Variants in CRISP1 observed in about 807,000 individuals in gnomAD.
CRISP1 encodes the protein cysteine rich secretory protein 1.
Under a neutral mutation model 33.1 loss-of-function variants are expected in CRISP1, and 44 were observed. That is an observed-to-expected ratio of 1.33 (90% CI 1.05 to 1.71). CRISP1 has a LOEUF of 1.71. Among genes scored for constraint, CRISP1 ranks in the 40% most tolerant of loss-of-function variants. The probability of loss-of-function intolerance (pLI) is 0.00; values close to 1 mark genes in which losing one functional copy is unlikely to be tolerated. For synonymous variants in CRISP1, 103 were observed against 98.7 expected (o/e 1.04, Z -0.26); for missense variants, 390 against 301.2 (o/e 1.29, Z -2.18).
chr6:49,855,717 A>G (rs1383378157), intron 2 of CRISP1, among the ~76,000 whole-genome samples: 1 of 152,206 alleles, frequency 6.6e-6, no homozygotes, highest in Admixed American at 6.5e-5. Context: ...ATAAAAAGTA[A>G]AAACAATTTT....
intron 7 of CRISP1, 81 bp from the exon 8 acceptor site, chr6:49,835,524 C>A: frequency 2.2e-6 from 3 of 1,383,080 alleles, no homozygotes; most frequent in Admixed American, 2.4e-5. Flanking sequence ...TTATTAAAGA[C>A]AAAAAGAGAA....
intron 4 of CRISP1, among the ~76,000 whole-genome samples, chr6:49,847,608 C>A (rs1254595990): frequency 6.6e-6 from 1 of 152,126 alleles, no homozygotes; most frequent in Non-Finnish European, 1.5e-5. Flanking sequence ...GAGTCATAAG[C>A]TAATGAAATC....
At chr6:49,863,267 C>T (rs1026208704) in intron 1 of CRISP1, among the ~76,000 whole-genome samples, 1 of 152,130 alleles carries the variant, frequency 6.6e-6, no homozygotes, top group African/African-American at 2.4e-5. Flanking sequence ...CTAGTCCAAC[C>T]TCTGGGACTT....
intron 4 of CRISP1, 47 bp downstream of exon 4, chr6:49,848,162 T>G (rs75730755): frequency 6.9e-5 from 47 of 677,666 alleles, no homozygotes; most frequent in Non-Finnish European, 8.4e-5. Flanking sequence ...GTTTTACTAT[T>G]TTTTTTTTTT....
chr6:49,861,201 C>CAAAAA (rs1400352505), intron 1 of CRISP1, among the ~76,000 whole-genome samples: 1 of 151,922 alleles, frequency 6.6e-6, no homozygotes, highest in Non-Finnish European at 1.5e-5. Context: ...CAAACAATTC[C>CAAAAA]AAAAAAATTC....
chr6:49,842,383 AG>A (rs1314302605), intron 5 of CRISP1, among the ~76,000 whole-genome samples: 1 of 152,198 alleles, frequency 6.6e-6, no homozygotes, highest in Non-Finnish European at 1.5e-5. Context: ...ATTGGTAATA[AG>A]ATTATTGAAC....
chr6:49,875,030 A>T (rs564773713), intron 1 of CRISP1, among the ~76,000 whole-genome samples: 1 of 152,170 alleles, frequency 6.6e-6, no homozygotes, highest in African/African-American at 2.4e-5. Flanking sequence ...CAATACTCCT[A>T]TTCAACATAT....
chr6:49,865,610 G>A (rs1019194248), intron 1 of CRISP1, among the ~76,000 whole-genome samples: 2 of 152,102 alleles, frequency 1.3e-5, no homozygotes, highest in African/African-American at 4.8e-5. Context: ...TATTACTAAA[G>A]GTAAGATTTC....
upstream of CRISP1, among the ~76,000 whole-genome samples, chr6:49,868,093 C>A (rs551213842): frequency 6.6e-6 from 1 of 152,098 alleles, no homozygotes; most frequent in African/African-American, 2.4e-5. Flanking sequence ...CATTGCTCTA[C>A]CCAACACAAT....
Position 49,834,377 on chromosome 6 carries a change from C to G in CRISP1, c.*939G>C, listed in dbSNP as rs1770711620. The stretch of plus-strand genomic sequence containing the variant: ...CAAGTATTTTTAGCCTTCCCTTTCC[C>G]CATGTCAGGCCCTTCAATATTCCCT... On this transcript the variant is annotated 3_prime_UTR_variant, in exon 8 of 8. Coordinates refer to ENST00000335847, the MANE Select transcript of CRISP1 (RefSeq NM_001131.3). The G allele has an allele frequency of 6.6e-6, 1 of 152,010 alleles. No homozygotes were observed. Among genetic ancestry groups the G allele is most frequent in the African/African-American group, 2.4e-5 (1 of 41,386 alleles). The allele number at this position is 152,010 out of a possible 1,614,324, so 9.4% of individuals were successfully genotyped here.
rs267601065 is a variant in CRISP1, at chr6:49,840,928, C to G, written c.503G>C (p.Arg168Pro). 8 of 1,613,564 alleles carry G rather than the reference C, an allele frequency of 5.0e-6. 1 individual carries two copies. The South Asian group carries it at 6.6e-5, about 13-fold the overall frequency. The change falls in exon 6 of 8, where the codon CGA becomes CCA. Residue 168 changes from arginine (R) to proline (P), a missense_variant. Arg to Pro is a moderately radical substitution (Grantham distance 103). Coordinates refer to ENST00000335847, the MANE Select transcript of CRISP1 (RefSeq NM_001131.3). ...IASCRQQGSP[R>P]YLYVCHYCHE... is the part of the protein sequence containing the mutation. ...ACAATAGTGACAAACGTAGAGATATCGAGGTGATCCTTGTTGGCGGCAAGA... is the reference window on the plus strand; with the variant it reads ...ACAATAGTGACAAACGTAGAGATATGGAGGTGATCCTTGTTGGCGGCAAGA...
Position 49,846,685 on chromosome 6 carries a change from G to A in CRISP1, c.287-17C>T, listed in dbSNP as rs746598246. 10 of 1,611,326 alleles carry A rather than the reference G, an allele frequency of 6.2e-6. No homozygotes were observed. The African/African-American group carries it at 1.1e-4, about 17-fold the overall frequency. ...AAAAGGTATCTGAAATGAGAAAACG[G>A]GCTGGGTCATACTCTGAACAAATGG... On this transcript the variant is annotated splice_polypyrimidine_tract_variant and intron_variant, in intron 4 of 7. Coordinates refer to ENST00000335847, the MANE Select transcript of CRISP1 (RefSeq NM_001131.3).
chr6:49,874,210 A>G (rs1458660274), intron 1 of CRISP1, among the ~76,000 whole-genome samples: 1 of 152,124 alleles, frequency 6.6e-6, no homozygotes, highest in Non-Finnish European at 1.5e-5. Flanking sequence ...ATCTTCCTTC[A>G]GTAGCTATTG....
At chr6:49,872,717 G>A (rs1005195778) in intron 1 of CRISP1, among the ~76,000 whole-genome samples, 9 of 152,098 alleles carry the variant, frequency 5.9e-5, no homozygotes, top group African/African-American at 2.2e-4. Flanking sequence ...TTGTAGATAT[G>A]CGGCATTATT....
intron 3 of CRISP1, among the ~76,000 whole-genome samples, chr6:49,851,524 T>A (rs1771343467): frequency 1.3e-5 from 2 of 152,212 alleles, no homozygotes; most frequent in Admixed American, 1.3e-4. Context: ...TATCTGGATA[T>A]TTTAATTCTA....
chr6:49,872,526 G>T (rs1345248054), intron 1 of CRISP1, among the ~76,000 whole-genome samples: 2 of 152,038 alleles, frequency 1.3e-5, no homozygotes, highest in Non-Finnish European at 2.9e-5. Context: ...GGGTTTTTAT[G>T]GTTTTAGGTC....
chr6:49,866,862 G>C (rs997512098), upstream of CRISP1, among the ~76,000 whole-genome samples: 1 of 152,038 alleles, frequency 6.6e-6, no homozygotes, highest in Admixed American at 6.6e-5. Flanking sequence ...TATTTATTGA[G>C]GTCTTAAGAT....
At chr6:49,867,925 C>G (rs976834149), upstream of CRISP1, among the ~76,000 whole-genome samples, 1 of 152,162 alleles carries the variant, frequency 6.6e-6, no homozygotes, top group African/African-American at 2.4e-5. Flanking sequence ...GCTATTACTT[C>G]ACCAAACCAG....
intron 1 of CRISP1, among the ~76,000 whole-genome samples, chr6:49,863,092 A>AT (rs1771698841): frequency 1.3e-5 from 2 of 152,188 alleles, no homozygotes; most frequent in African/African-American, 4.8e-5. Flanking sequence ...ACTGCAGGAA[A>AT]TAGAGCATTT....
Sources: gnomAD v4.1 joint callset for allele counts (sites outside exome capture counted in the v4.1 genomes callset) on GRCh38, gnomAD v4.1.1 for gene constraint, MANE v1.5 for transcripts, NCBI Gene and HGNC (gene_info 2026-07-23, HGNC 2026-07-21) for gene names.